Variants in CEP192 observed in about 807,000 individuals in gnomAD.
CEP192 encodes the protein centrosomal protein 192, also known as centrosomal protein of 192 kDa.
A neutral mutation model predicts 271.8 loss-of-function variants in CEP192; 151 were observed. The ratio of observed to expected loss-of-function variants is 0.56; its 90% CI spans 0.49 to 0.64. CEP192 has a LOEUF of 0.64. Among genes scored for constraint, CEP192 ranks in the 30% least tolerant of loss-of-function variants. The pLI is 0.00. For synonymous variants in CEP192, 995 were observed against 1,076.5 expected, an observed-to-expected ratio of 0.92 and a Z score of 1.48; for missense variants, 2,910 against 3,020.5, an observed-to-expected ratio of 0.96 and a Z score of 0.86.
At chr18:13,005,412 A>T (rs1201338139) in intron 3 of CEP192, among the ~76,000 whole-genome samples, 2 of 152,074 alleles carry the variant, frequency 1.3e-5, no homozygotes, top group African/African-American at 4.8e-5. Context: ...TGCTTTTAGG[A>T]GCTGAAAATC....
At chr18:13,010,152 T>C (rs924646201) in intron 4 of CEP192, among the ~76,000 whole-genome samples, 4 of 151,894 alleles carry the variant, frequency 2.6e-5, no homozygotes, top group African/African-American at 9.7e-5. Flanking sequence ...CAAAAATAAA[T>C]AAATAAATAA....
At chr18:13,121,095 C>G (rs917533224) in intron 44 of CEP192, among the ~76,000 whole-genome samples, 2 of 152,142 alleles carry the variant, frequency 1.3e-5, no homozygotes, top group Non-Finnish European at 2.9e-5. Context: ...GTCCCAGACA[C>G]GAGACACTGT....
chr18:13,033,439 CA>C (rs1385208996), intron 11 of CEP192, among the ~76,000 whole-genome samples: 1 of 152,176 alleles, frequency 6.6e-6, no homozygotes, highest in Admixed American at 6.5e-5. Context: ...ACTGTCTTAG[CA>C]AAGATGTGAG....
chr18:13,064,029 C>G (rs1447486295), intron 21 of CEP192, among the ~76,000 whole-genome samples: 1 of 151,846 alleles, frequency 6.6e-6, no homozygotes, highest in Admixed American at 6.6e-5. Flanking sequence ...CCATATTGGC[C>G]AGGCTGGTCT....
At chr18:13,096,492 C>G (rs1285828003) in intron 36 of CEP192, among the ~76,000 whole-genome samples, 185 bp downstream of exon 36, 1 of 152,208 alleles carries the variant, frequency 6.6e-6, no homozygotes, top group Non-Finnish European at 1.5e-5. Flanking sequence ...TCTAGTGGAG[C>G]AGAGATCTGC....
chr18:13,025,181 T>G (rs566374426), intron 9 of CEP192, among the ~76,000 whole-genome samples: 1 of 152,272 alleles, frequency 6.6e-6, no homozygotes, highest in South Asian at 2.1e-4. Context: ...TTCAGTCTTA[T>G]TCTTCTCTTT....
intron 11 of CEP192, among the ~76,000 whole-genome samples, chr18:13,031,527 G>A (rs1369851148): frequency 2.0e-5 from 3 of 152,124 alleles, no homozygotes. Flanking sequence ...GATTACAGGC[G>A]TGAGCCACCG....
At chr18:13,123,836 T>A (rs1239527049) in intron 44 of CEP192, among the ~76,000 whole-genome samples, 1 of 152,196 alleles carries the variant, frequency 6.6e-6, no homozygotes, top group Non-Finnish European at 1.5e-5. Context: ...TATACTGTAA[T>A]CTGAAAGTAA....
Position 13,049,265 on chromosome 18 carries a change from T to A in CEP192, c.2474T>A (p.Val825Glu). 1 of 1,614,134 alleles carries A rather than the reference T, an allele frequency of 6.2e-7. No homozygotes were observed. Among genetic ancestry groups the A allele is most frequent in the Admixed American group, 1.7e-5 (1 of 60,022 alleles). Residue 825 changes from valine (V) to glutamate (E), a missense_variant, in exon 16 of 45, where the codon GTG becomes GAG. Coordinates refer to ENST00000506447, the MANE Select transcript of CEP192 (RefSeq NM_032142.4). ...KEQTTQDIHP[V>E]DLSATSVSVR... ...CAAACTACTCAAGACATTCATCCGGTGGACTTAAGTGCTACTAGTGTAAGT... is the reference window on the plus strand; with the variant it reads ...CAAACTACTCAAGACATTCATCCGGAGGACTTAAGTGCTACTAGTGTAAGT...
Position 13,069,767 on chromosome 18 carries a change from G to A in CEP192, c.5085G>A (p.Val1695=). ...CAGAACAAGGAAGTCACTTTTCAGT[G>A]GATCCAAAGAATCTACTCCTTAAAC... ...KVPEQGSHFS[V]DPKNLLLKPG... is the part of the protein sequence containing the mutation. The change falls in exon 27 of 45, where the codon GTG becomes GTA. Residue 1695 remains valine, a synonymous_variant. Transcript: ENST00000506447. The A allele has an allele frequency of 1.3e-6, 2 of 1,591,922 alleles. No individual in the cohort carries two copies. The highest frequency in any genetic ancestry group is 8.6e-7 in the Non-Finnish European group (1 of 1,160,978).
Position 13,030,354 on chromosome 18 carries a change from C to T in CEP192, c.1391-111C>T, listed in dbSNP as rs2035546853. 4.3e-6 allele frequency: 4 copies of T among 934,110 alleles called. No homozygotes were observed. The South Asian group carries it at 6.1e-5, about 14-fold the overall frequency. 57.9% of individuals were successfully genotyped at this position (934,110 alleles called of 1,614,324 possible). On this transcript the variant is annotated intron_variant, in intron 10 of 44. Transcript: ENST00000506447. ...TTTTCTAACTAGCTTTGGCAAACTT[C>T]AGTACTGTTGATAACTAAGGTAGTC...
intron 17 of CEP192, among the ~76,000 whole-genome samples, chr18:13,050,683 G>A (rs951410474): frequency 5.3e-5 from 8 of 151,574 alleles, no homozygotes; most frequent in African/African-American, 1.7e-4. Flanking sequence ...GGGTTCCAGC[G>A]ATTCTCCTGC....
At chr18:13,003,672 G>A (rs1483957659) in intron 3 of CEP192, among the ~76,000 whole-genome samples, 1 of 151,884 alleles carries the variant, frequency 6.6e-6, no homozygotes, top group Non-Finnish European at 1.5e-5. Flanking sequence ...GCCACTAGAG[G>A]GCTCCATCTG....
Position 12,999,586 on chromosome 18 carries a change from C to T in CEP192, c.162C>T (p.Asn54=), listed in dbSNP as rs758798600. The change falls in exon 2 of 45, where the codon AAC becomes AAT. Residue 54 remains asparagine (N), a splice_region_variant and synonymous_variant. Transcript: ENST00000506447. ...CTAGGGATAGATCCAGCACTGATAA[C>T]AGGTAAGATTTGTTTGAGCAGATTT... ...TLARDRSSTD[N]RYPDIQASYL... 1 of 1,528,212 alleles carries T rather than the reference C, an allele frequency of 6.5e-7. No individual in the cohort carries two copies. Among genetic ancestry groups the T allele is most frequent in the South Asian group, 1.3e-5 (1 of 79,070 alleles). The allele number at this position is 1,528,212 out of a possible 1,614,324, so 94.7% of individuals were successfully genotyped here.
At chr18:13,046,199 G>A (rs2036470329) in intron 15 of CEP192, among the ~76,000 whole-genome samples, 1 of 152,170 alleles carries the variant, frequency 6.6e-6, no homozygotes, top group African/African-American at 2.4e-5. Flanking sequence ...GGCCAAAGCA[G>A]GGATGGGGAA....
Position 13,100,480 on chromosome 18 carries a change from C to G in CEP192, c.6839C>G (p.Thr2280Ser), listed in dbSNP as rs751975862. The G allele has an allele frequency of 8.5e-5, 137 of 1,613,676 alleles. No individual in the cohort carries two copies. The highest frequency in any genetic ancestry group is 1.6e-4 in the Middle Eastern group (1 of 6,082). ...GTTGAAATAAGAAACAAGAGTATTA[C>G]TTTTCCTACAACAGAACCTGGTGAA... ...TKVEIRNKSI[T>S]FPTTEPGETS... The change falls in exon 38 of 45, where the codon ACT (threonine) becomes AGT (serine). Residue 2280 changes from threonine (T) to serine (S), a missense_variant. Transcript: ENST00000506447.
At chr18:13,112,050 A>G (rs1232147525) in intron 40 of CEP192, among the ~76,000 whole-genome samples, 1 of 152,236 alleles carries the variant, frequency 6.6e-6, no homozygotes, top group Non-Finnish European at 1.5e-5. Context: ...TACAGCCGCT[A>G]TGGAAAATAA....
intron 7 of CEP192, among the ~76,000 whole-genome samples, chr18:13,017,756 T>C (rs915945097): frequency 2.6e-5 from 4 of 152,228 alleles, no homozygotes; most frequent in African/African-American, 9.6e-5. Context: ...CTAACTTTGA[T>C]ATAATAATTT....
intron 9 of CEP192, among the ~76,000 whole-genome samples, chr18:13,025,256 G>T (rs1044968561): frequency 1.3e-5 from 2 of 151,680 alleles, no homozygotes; most frequent in African/African-American, 2.4e-5. Context: ...TCTCTATGTT[G>T]CCCAGAATGG....
Sources: allele counts gnomAD v4.1 joint callset (sites outside exome capture counted in the v4.1 genomes callset), GRCh38; gene constraint gnomAD v4.1.1; transcripts MANE v1.5; gene names NCBI Gene and HGNC (gene_info 2026-07-23, HGNC 2026-07-21).